DMXL2: variants seen among roughly 807,000 people sequenced by gnomAD.
The protein encoded by DMXL2 is Dmx like 2, also known as dmX-like protein 2.
DMXL2 carries 103 observed loss-of-function variants against 331.1 expected under a neutral mutation model. The observed-to-expected ratio is 0.31, with a 90% CI of 0.27 to 0.37. The LOEUF is 0.37. Ranked by LOEUF, DMXL2 falls within the 10% of genes least tolerant of loss-of-function variation. DMXL2 has a pLI of 1.00. For synonymous variants in DMXL2, 1,281 were observed against 1,252.1 expected (o/e 1.02, Z -0.49); for missense variants, 3,171 against 3,642.9 (o/e 0.87, Z 3.33).
intron 6 of DMXL2, among the ~76,000 whole-genome samples, chr15:51,555,486 C>A (rs1268247430): frequency 1.3e-5 from 2 of 152,056 alleles, no homozygotes; most frequent in African/African-American, 4.8e-5. Flanking sequence ...TAGAAGAGCC[C>A]TGGGCACTCC....
At chr15:51,459,548 G>T (rs1435822390) in intron 34 of DMXL2, 50 bp downstream of exon 34, 22 of 1,280,130 alleles carry the variant, frequency 1.7e-5, no homozygotes, top group Non-Finnish European at 2.1e-5. Flanking sequence ...TGAGGCGTTA[G>T]CTCCTTGAAC....
At position 51,564,142 on chromosome 15, in the gene DMXL2, C is replaced by T; in HGVS notation, c.483G>A (p.Lys161=). ...NTVPPVLNDW[K]CVWQCKTSVS... ...ACACTAACTTGCACTGCCAGACACA[C>T]TTCCAATCATTTAAAACAGGAGGAA... Residue 161 remains lysine, a synonymous_variant, in exon 5 of 44, where the codon AAG becomes AAA. Transcript: ENST00000560891. The T allele has an allele frequency of 6.2e-7, 1 of 1,602,386 alleles. No individual in the cohort carries two copies.
intron 19 of DMXL2, among the ~76,000 whole-genome samples, chr15:51,493,720 C>T (rs954802001): frequency 2.6e-5 from 4 of 152,084 alleles, no homozygotes; most frequent in African/African-American, 9.7e-5. Context: ...TTTTAGACTG[C>T]CCTAGGAAAT....
chr15:51,588,884 G>A (rs767530198), intron 1 of DMXL2, among the ~76,000 whole-genome samples: 1 of 152,128 alleles, frequency 6.6e-6, no homozygotes, highest in Non-Finnish European at 1.5e-5. Context: ...GATCATTTGA[G>A]ACCCCTTTTT....
chr15:51,461,794 C>T (rs909782011), intron 33 of DMXL2, among the ~76,000 whole-genome samples: 18 of 152,152 alleles, frequency 1.2e-4, no homozygotes, highest in Admixed American at 9.2e-4. Flanking sequence ...TCAGGAGATC[C>T]CCCACCTAGT....
intron 1 of DMXL2, among the ~76,000 whole-genome samples, chr15:51,589,677 T>G (rs1484376575): frequency 6.6e-6 from 1 of 152,198 alleles, no homozygotes; most frequent in Non-Finnish European, 1.5e-5. Context: ...TTTTGAGCAT[T>G]AGATAGCTAA....
chr15:51,487,818 C>T, intron 22 of DMXL2, 136 bp downstream of exon 22: 1 of 684,780 alleles, frequency 1.5e-6, no homozygotes, highest in Non-Finnish European at 2.2e-6. Context: ...CACAGTGCCA[C>T]TATTTTAAGT....
At chr15:51,591,144 C>T (rs1388649664) in intron 1 of DMXL2, among the ~76,000 whole-genome samples, 1 of 152,206 alleles carries the variant, frequency 6.6e-6, no homozygotes, top group East Asian at 1.9e-4. Context: ...CATCGCCTCA[C>T]CCAGGAAGCG....
At chr15:51,599,813 C>T (rs2053100358) in intron 1 of DMXL2, among the ~76,000 whole-genome samples, 1 of 152,148 alleles carries the variant, frequency 6.6e-6, no homozygotes, top group South Asian at 2.1e-4. Flanking sequence ...GATTCTTCTG[C>T]CTCAGCCTCC....
chr15:51,535,193 C>T (rs1263087318), intron 13 of DMXL2, among the ~76,000 whole-genome samples: 1 of 152,130 alleles, frequency 6.6e-6, no homozygotes, highest in African/African-American at 2.4e-5. Context: ...ACATATATGA[C>T]TTCCAGCTCA....
At chr15:51,556,772 C>CA (rs374286440) in intron 6 of DMXL2, among the ~76,000 whole-genome samples, 3,786 of 140,586 alleles carry the variant, frequency 0.027, 162 homozygotes, top group African/African-American at 0.092. Context: ...ATTCTGTCTC[C>CA]AAAAAAAAAA....
At chr15:51,586,132 G>C (rs1010630190) in intron 1 of DMXL2, among the ~76,000 whole-genome samples, 3 of 152,134 alleles carry the variant, frequency 2.0e-5, no homozygotes, top group Admixed American at 6.6e-5. Context: ...ACATGAAAAA[G>C]GAACTAGACA....
rs1276270750 is a variant in DMXL2 at position 51,542,281 on chromosome 15, T to C, written c.1105+52A>G. On this transcript the variant is annotated intron_variant, in intron 9 of 43. Transcript: ENST00000560891. ...TTATGAAAGTAGTTCCACTTTTCTA[T>C]TTATTTACCTGACTTCAACATATTT... 9 of 1,539,534 alleles carry C rather than the reference T, an allele frequency of 5.8e-6. No homozygotes were observed. In the East Asian group the frequency reaches 1.4e-4, roughly 23 times the overall value.
intron 1 of DMXL2, among the ~76,000 whole-genome samples, chr15:51,586,250 T>C (rs1304058903): frequency 1.3e-5 from 2 of 152,190 alleles, no homozygotes; most frequent in African/African-American, 4.8e-5. Flanking sequence ...AAAGGGACTG[T>C]TCCTCTTAGA....
intron 29 of DMXL2, among the ~76,000 whole-genome samples, chr15:51,470,206 G>C (rs2040969930): frequency 6.6e-6 from 1 of 152,070 alleles, no homozygotes; most frequent in Non-Finnish European, 1.5e-5. Flanking sequence ...CACAATCATG[G>C]CTCACTGCCA....
Position 51,487,021 on chromosome 15 carries a change from G to T in DMXL2, c.5218-684C>A, listed in dbSNP as rs2042442068. Among the ~76,000 whole-genome samples the T allele has an allele frequency of 2.6e-5, 4 of 152,078 alleles. No individual in the cohort carries two copies. In the South Asian group the frequency reaches 6.2e-4, roughly 24 times the overall value. ...ACTTTCACTTAATTGAATATTTCCT[G>T]TTTTTCTATCATATATTATTCCCAA... On this transcript the variant is annotated intron_variant, in intron 22 of 43. Transcript: ENST00000560891.
intron 28 of DMXL2, among the ~76,000 whole-genome samples, chr15:51,471,702 T>C (rs1215894386): frequency 6.6e-6 from 1 of 152,216 alleles, no homozygotes; most frequent in Non-Finnish European, 1.5e-5. Flanking sequence ...AGTGAGTGAT[T>C]GACTGATTAT....
intron 13 of DMXL2, among the ~76,000 whole-genome samples, chr15:51,527,625 G>A (rs183334646): frequency 2.1e-4 from 32 of 151,016 alleles, no homozygotes; most frequent in Admixed American, 1.9e-3. Flanking sequence ...GGGAGGCTGA[G>A]GCAGGATAAT....
chr15:51,480,995 C>G lies in DMXL2; in HGVS notation c.6111G>C (p.Val2037=), dbSNP rs191297181. Residue 2037 remains valine (V), a synonymous_variant, in exon 24 of 44, where the codon GTG becomes GTC. Transcript: ENST00000560891. ...CTCTGAATTTTAGTTGTTCAGCAATCACATCAACTTCAGTATCACCTTCAG... is the reference window on the plus strand; with the variant it reads ...CTCTGAATTTTAGTTGTTCAGCAATGACATCAACTTCAGTATCACCTTCAG... ...DDPEGDTEVD[V]IAEQLKFRAC... 31 of 1,614,120 alleles carry G rather than the reference C, an allele frequency of 1.9e-5. No homozygotes were observed. Among genetic ancestry groups the G allele is most frequent in the Non-Finnish European group, 2.5e-5 (30 of 1,180,020 alleles).
Sources: gnomAD v4.1 joint callset for allele counts (sites outside exome capture counted in the v4.1 genomes callset) on GRCh38, gnomAD v4.1.1 for gene constraint, MANE v1.5 for transcripts, NCBI Gene and HGNC (gene_info 2026-07-23, HGNC 2026-07-21) for gene names.